Variants in PTPRU observed in about 807,000 individuals in gnomAD.
The protein encoded by PTPRU is protein tyrosine phosphatase receptor type U.
PTPRU carries 69 observed loss-of-function variants against 166.3 expected under a neutral mutation model. The observed-to-expected ratio is 0.41, with a 90% CI of 0.34 to 0.51. PTPRU has a LOEUF of 0.51. Among genes scored for constraint, PTPRU ranks in the 20% least tolerant of loss-of-function variants. The pLI is 0.09. For synonymous variants in PTPRU, 793 were observed against 814.0 expected, an observed-to-expected ratio of 0.97 and a Z score of 0.44; for missense variants, 1,657 against 2,013.7, an observed-to-expected ratio of 0.82 and a Z score of 3.39.
intron 7 of PTPRU, among the ~76,000 whole-genome samples, chr1:29,267,900 G>A (rs1685374727): frequency 6.6e-6 from 1 of 152,248 alleles, no homozygotes; most frequent in South Asian, 2.1e-4. Context: ...GGAGCCGAGT[G>A]GAAGTGGTGG....
In PTPRU at chr1:29,303,916, T is replaced by C. The variant is rs1447139102; in HGVS notation, c.2538T>C (p.Arg846=). The C allele has an allele frequency of 6.2e-7, 1 of 1,613,700 alleles. No individual in the cohort carries two copies. The highest frequency in any genetic ancestry group is 1.3e-5 in the African/African-American group (1 of 74,932). Reference sequence around the variant, plus strand: ...GCCTCCTGGGGGGCTCCCCGAGGCGTCCCTGTGGCCGGAAGGGCTCCCCAT... The same window carrying C: ...GCCTCCTGGGGGGCTCCCCGAGGCGCCCCTGTGGCCGGAAGGGCTCCCCAT... ...ASSLLGGSPR[R]PCGRKGSPYH... Residue 846 remains arginine (R), a synonymous_variant, in exon 16 of 30, where the codon CGT becomes CGC. Coordinates refer to ENST00000373779, the MANE Select transcript of PTPRU (RefSeq NM_133178.4).
intron 14 of PTPRU, chr1:29,289,772 C>A: frequency 6.3e-7 from 1 of 1,585,244 alleles, no homozygotes; most frequent in South Asian, 1.1e-5. Context: ...ATCCCCTGTC[C>A]CCGCCTTCTC....
chr1:29,310,708 C>T, intron 18 of PTPRU, 36 bp from the exon 19 acceptor site: 1 of 1,603,672 alleles, frequency 6.2e-7, no homozygotes, highest in South Asian at 1.1e-5. Flanking sequence ...GGGGCTACTC[C>T]CTGGGGTCTA....
intron 22 of PTPRU, among the ~76,000 whole-genome samples, chr1:29,314,582 A>AT (rs1687813328): frequency 5.0e-5 from 5 of 99,568 alleles, no homozygotes; most frequent in Admixed American, 2.7e-4. Context: ...TGAATTAATT[A>AT]ATTTTTTTTT....
chr1:29,319,737 G>T (rs150357679), intron 25 of PTPRU, among the ~76,000 whole-genome samples: 30 of 152,320 alleles, frequency 2.0e-4, no homozygotes, highest in African/African-American at 6.3e-4. Context: ...CCAAGTCAGG[G>T]TCAAGGCCAG....
intron 11 of PTPRU, among the ~76,000 whole-genome samples, chr1:29,281,831 A>T (rs900904265): frequency 6.6e-6 from 1 of 152,246 alleles, no homozygotes; most frequent in African/African-American, 2.4e-5. Flanking sequence ...GGCTGTCAGT[A>T]TGGGATGTCA....
chr1:29,317,965 G>T lies in PTPRU; in HGVS notation c.3687+44G>T. On this transcript the variant is annotated intron_variant, in intron 25 of 29. Coordinates refer to ENST00000373779, the MANE Select transcript of PTPRU (RefSeq NM_133178.4). This position sits in a 1 kb window ranked among gnomAD's most constrained non-coding sequence, Gnocchi z 5.6. ...GTGGGCTCTGGGGCTCCCCTTCCCA[G>T]CAGCATCAGGGAAGGTCCAGGGGCC... 1 of 1,603,526 alleles carries T rather than the reference G, an allele frequency of 6.2e-7. No homozygotes were observed. Among genetic ancestry groups the T allele is most frequent in the Non-Finnish European group, 8.5e-7 (1 of 1,174,046 alleles).
At chr1:29,251,065 A>G (rs1308454527) in intron 1 of PTPRU, among the ~76,000 whole-genome samples, 1 of 152,228 alleles carries the variant, frequency 6.6e-6, no homozygotes, top group Non-Finnish European at 1.5e-5. Context: ...CAGCCTGGCC[A>G]GCATGGTGAC....
chr1:29,313,412 T>A (rs1303791728), intron 22 of PTPRU, among the ~76,000 whole-genome samples: 1 of 152,228 alleles, frequency 6.6e-6, no homozygotes, highest in African/African-American at 2.4e-5. Flanking sequence ...TCTCTTTGAT[T>A]TCTTTAGGCC....
intron 1 of PTPRU, among the ~76,000 whole-genome samples, chr1:29,240,017 G>T (rs1196124425): frequency 6.6e-6 from 1 of 152,148 alleles, no homozygotes; most frequent in Non-Finnish European, 1.5e-5. Context: ...TGCATCCTAT[G>T]ATCTGGCCAG....
Position 29,326,139 on chromosome 1 carries a change from C to A in PTPRU, c.*478C>A. ...CATTTAGGATTCCATCTGGCCCAGCCCCTGAAGGTCCTGGGGAAGCAGGTC... is the reference window on the plus strand; with the variant it reads ...CATTTAGGATTCCATCTGGCCCAGCACCTGAAGGTCCTGGGGAAGCAGGTC... On this transcript the variant is annotated 3_prime_UTR_variant, in exon 30 of 30. Coordinates refer to ENST00000373779, the MANE Select transcript of PTPRU (RefSeq NM_133178.4). The A allele has an allele frequency of 2.8e-6, 1 of 362,584 alleles. No homozygotes were observed. The highest frequency in any genetic ancestry group is 4.1e-5 in the East Asian group (1 of 24,684). The allele number at this position is 362,584 out of a possible 1,614,324, so 22.5% of individuals were successfully genotyped here. A position where few individuals can be genotyped will look rare whatever the true frequency, so the allele number is the denominator to read the frequency against.
chr1:29,325,616 C>T lies in PTPRU; in HGVS notation c.4266C>T (p.Cys1422=). 3 of 1,613,120 alleles carry T rather than the reference C, an allele frequency of 1.9e-6. No homozygotes were observed. The highest frequency in any genetic ancestry group is 2.5e-6 in the Non-Finnish European group (3 of 1,179,178). ...MVETMDQYHF[C]YDVALEYLEG... ...CTCCCCAGGATCAGTACCACTTTTG[C>T]TACGATGTGGCCCTGGAGTACTTGG... Residue 1422 remains cysteine, a synonymous_variant, in exon 30 of 30, where the codon TGC becomes TGT. Transcript: ENST00000373779.
chr1:29,307,029 G>A (rs1248451816), intron 18 of PTPRU: 9 of 1,352,032 alleles, frequency 6.7e-6, no homozygotes, highest in African/African-American at 5.7e-5. Context: ...TGCTCACATC[G>A]CCCATTCTGG....
chr1:29,321,050 G>A (rs1031423472), intron 26 of PTPRU, among the ~76,000 whole-genome samples: 1 of 152,142 alleles, frequency 6.6e-6, no homozygotes, highest in Admixed American at 6.5e-5. Context: ...TTGAGACAAG[G>A]TCTCACTCTT....
rs148052254 is a variant in PTPRU at position 29,251,674 on chromosome 1, G to A, written c.74-3601G>A. Among the ~76,000 whole-genome samples the A allele has an allele frequency of 3.1e-3, 475 of 152,294 alleles. 3 individuals carry two copies. Among genetic ancestry groups the A allele is most frequent in the African/African-American group, 0.011 (459 of 41,558 alleles). On this transcript the variant is annotated intron_variant, in intron 1 of 29. Transcript: ENST00000373779. Reference sequence around the variant, plus strand: ...GAGTCCTGGCCGTTCGTGTGGCCTGGCTCAGGATGAACAAGAGGAAGCCAA... The same window carrying A: ...GAGTCCTGGCCGTTCGTGTGGCCTGACTCAGGATGAACAAGAGGAAGCCAA...
intron 15 of PTPRU, among the ~76,000 whole-genome samples, chr1:29,299,809 CA>C (rs35845807): frequency 0.013 from 2,013 of 152,306 alleles, 16 homozygotes; most frequent in Middle Eastern, 0.1. Flanking sequence ...TTCTTTGAGC[CA>C]ACAGAAGTCC....
At chr1:29,254,538 G>A (rs969350934) in intron 1 of PTPRU, among the ~76,000 whole-genome samples, 5 of 152,168 alleles carry the variant, frequency 3.3e-5, no homozygotes, top group African/African-American at 1.2e-4. Flanking sequence ...GACCTAATTT[G>A]GCCGACTTTG....
intron 14 of PTPRU, among the ~76,000 whole-genome samples, chr1:29,290,188 C>T (rs1046806973): frequency 6.6e-6 from 1 of 152,320 alleles, no homozygotes; most frequent in East Asian, 1.9e-4. Context: ...GCACAGGCAA[C>T]TCTCAGGCCC....
intron 7 of PTPRU, among the ~76,000 whole-genome samples, chr1:29,263,534 G>C (rs1322974107): frequency 2.6e-5 from 4 of 152,082 alleles, no homozygotes; most frequent in Non-Finnish European, 4.4e-5. Flanking sequence ...TATATCATAA[G>C]ATATCTCTGT....
Sources: gnomAD v4.1 joint callset for allele counts (sites outside exome capture counted in the v4.1 genomes callset) on GRCh38, gnomAD v4.1.1 for gene constraint, Gnocchi (gnomAD v3.1) non-coding constraint, MANE v1.5 for transcripts, NCBI Gene and HGNC (gene_info 2026-07-23, HGNC 2026-07-21) for gene names.